Variants in HHIPL2 observed in about 807,000 individuals in gnomAD.
HHIPL2 encodes HHIP-like protein 2.
A neutral mutation model predicts 61.0 loss-of-function variants in HHIPL2; 61 were observed. That is an observed-to-expected ratio of 1.00 (90% CI 0.81 to 1.24). The LOEUF (loss-of-function observed/expected upper bound fraction) is 1.24. HHIPL2 is among the 50% of genes most tolerant of loss of function. HHIPL2 has a pLI of 0.00. For synonymous variants in HHIPL2, 343 were observed against 357.4 expected, an observed-to-expected ratio of 0.96 and a Z score of 0.45; for missense variants, 885 against 910.2, an observed-to-expected ratio of 0.97 and a Z score of 0.36.
intron 1 of HHIPL2, 91 bp from the exon 2 acceptor site, chr1:222,544,280 G>T: frequency 7.2e-7 from 1 of 1,382,488 alleles, no homozygotes; most frequent in Non-Finnish European, 9.8e-7. Flanking sequence ...AAAAAATGGT[G>T]CTAGGCGGAA....
In HHIPL2 at chr1:222,540,274, G is replaced by A. The variant is rs779442680; in HGVS notation, c.1186C>T (p.Arg396Ter). The A allele has an allele frequency of 2.2e-5, 36 of 1,614,110 alleles. No homozygotes were observed. Among genetic ancestry groups the A allele is most frequent in the Middle Eastern group, 1.6e-4 (1 of 6,084 alleles). The stretch of plus-strand genomic sequence containing the variant: ...ACAAATGGATTGTCCGAGGGGACTC[G>A]GTACCGCTTGCCATGTGAGCCTGCC... ...NRAGSHGKRY[R>*]VPSDNPFVSE... is the part of the protein sequence containing the mutation. The change falls in exon 4 of 9, where the codon CGA becomes TGA. Residue 396 changes from arginine to a stop codon, truncating the protein, a stop_gained. Coordinates refer to ENST00000343410, the MANE Select transcript of HHIPL2 (RefSeq NM_024746.4). LOFTEE classifies it high-confidence loss of function.
intron 5 of HHIPL2, among the ~76,000 whole-genome samples, chr1:222,534,577 TA>T (rs67437927): frequency 5.4e-4 from 39 of 72,658 alleles, no homozygotes; most frequent in East Asian, 1.9e-3. Context: ...ACTCCATCTC[TA>T]AAAAAAAAAA....
chr1:222,544,077 T>G lies in HHIPL2; in HGVS notation c.434A>C (p.His145Pro). ...DYCSAFHSNCHSAISLLTNDR... is the reference protein window; with the variant it reads ...DYCSAFHSNCPSAISLLTNDR... ...ATTGGTCAGCAGGGAAATGGCTGAG[T>G]GACAGTTAGAATGGAAGGCAGAGCA... Residue 145 changes from histidine (H) to proline (P), a missense_variant, in exon 2 of 9, where the codon CAC becomes CCC. His to Pro is a moderately conservative substitution (Grantham distance 77). Transcript: ENST00000343410. 1.2e-6 allele frequency: 2 copies of G among 1,613,928 alleles called. No homozygotes were observed. The highest frequency in any genetic ancestry group is 1.7e-6 in the Non-Finnish European group (2 of 1,179,982).
At chr1:222,533,148 T>G (rs2102614529) in intron 5 of HHIPL2, among the ~76,000 whole-genome samples, 1 of 152,278 alleles carries the variant, frequency 6.6e-6, no homozygotes, top group African/African-American at 2.4e-5. Flanking sequence ...GTGGATCACC[T>G]GAGGCCAGGG....
At chr1:222,536,210 GTTCTTATAGAAGATCAATAAAATGGA>G (rs1659299429) in intron 5 of HHIPL2, among the ~76,000 whole-genome samples, 2 of 151,710 alleles carry the variant, frequency 1.3e-5, no homozygotes, top group South Asian at 4.2e-4. Context: ...ACAAAAGCTG[GTTCTTATAGAAGATCAATAAAATGGA>G]TAAACCTCTA....
chr1:222,545,168 A>G (rs1659528332), intron 1 of HHIPL2, among the ~76,000 whole-genome samples: 1 of 152,190 alleles, frequency 6.6e-6, no homozygotes, highest in East Asian at 1.9e-4. Context: ...GCCCAATTCA[A>G]AGGGTGTCGT....
Position 222,523,681 on chromosome 1 carries a change from C to T in HHIPL2, c.1819G>A (p.Gly607Ser). 5 of 1,614,164 alleles carry T rather than the reference C, an allele frequency of 3.1e-6. No individual in the cohort carries two copies. Among genetic ancestry groups the T allele is most frequent in the East Asian group, 2.2e-5 (1 of 44,882 alleles). Residue 607 changes from glycine to serine, a missense_variant, in exon 8 of 9, where the codon GGC (glycine) becomes AGC (serine). Coordinates refer to ENST00000343410, the MANE Select transcript of HHIPL2 (RefSeq NM_024746.4). ...FVDPSRRAPP[G>S]KCKYKPVPVR... ...GGCACTGGCTTGTATTTGCACTTGCCTGGGGGTGCTCGCCTAAAAACACAA... is the reference window on the plus strand; with the variant it reads ...GGCACTGGCTTGTATTTGCACTTGCTTGGGGGTGCTCGCCTAAAAACACAA...
Position 222,522,886 on chromosome 1 carries a change from C to T in HHIPL2, c.1890G>A (p.Lys630=). The change falls in exon 9 of 9, where the codon AAG becomes AAA. Residue 630 remains lysine, a splice_region_variant and synonymous_variant. Transcript: ENST00000343410. The part of the protein sequence containing the change: ...SKRIPFRPLA[K]TVLDLLKEQS... ...GTTCCTTTAGCAAGTCCAAGACTGTCTCTGAGAAATCAGTATTTATTTAGT... is the reference window on the plus strand; with the variant it reads ...GTTCCTTTAGCAAGTCCAAGACTGTTTCTGAGAAATCAGTATTTATTTAGT... 1 of 1,611,368 alleles carries T rather than the reference C, an allele frequency of 6.2e-7. No individual in the cohort carries two copies. Among genetic ancestry groups the T allele is most frequent in the Non-Finnish European group, 8.5e-7 (1 of 1,178,678 alleles).
At chr1:222,528,285 G>A (rs940585706) in intron 6 of HHIPL2, among the ~76,000 whole-genome samples, 3 of 152,190 alleles carry the variant, frequency 2.0e-5, no homozygotes, top group African/African-American at 7.2e-5. Flanking sequence ...AATGCCTCAA[G>A]TGATTGTTAG....
Position 222,540,205 on chromosome 1 carries a change from T to C in HHIPL2, c.1255A>G (p.Arg419Gly). ...AHPAIYAYGI[R>G]NMWRCAVDRG... ...TCCACAGCACAACGCCACATGTTCC[T>C]GATCCCATAGGCATAGATGGCGGGG... Residue 419 changes from arginine to glycine, a missense_variant, in exon 4 of 9, where the codon AGG (arginine) becomes GGG (glycine). By Grantham distance (125) the Arg-to-Gly change is moderately radical. Transcript: ENST00000343410. The C allele has an allele frequency of 6.2e-7, 1 of 1,614,284 alleles. No individual in the cohort carries two copies. The highest frequency in any genetic ancestry group is 8.5e-7 in the Non-Finnish European group (1 of 1,180,056).
rs1201298110 is a variant in HHIPL2 at position 222,522,576 on chromosome 1, CCT to C, written c.*23_*24del. On this transcript the variant is annotated 3_prime_UTR_variant, in exon 9 of 9. Transcript: ENST00000343410. ...AGGTGGCTCTCCTCTCTCACGTCACCCTGTCGGCCACCTTGACCAATAGGTCA... is the reference window on the plus strand; with the variant it reads ...AGGTGGCTCTCCTCTCTCACGTCACCGTCGGCCACCTTGACCAATAGGTCA... 7.5e-6 allele frequency: 12 copies of C among 1,603,710 alleles called. No individual in the cohort carries two copies. Among genetic ancestry groups the C allele is most frequent in the Non-Finnish European group, 9.3e-6 (11 of 1,177,176 alleles).
At position 222,522,749 on chromosome 1, in the gene HHIPL2, T is replaced by C. The variant is rs1205696747; in HGVS notation, c.2027A>G (p.Lys676Arg). The C allele has an allele frequency of 6.2e-7, 1 of 1,614,054 alleles. No homozygotes were observed. The highest frequency in any genetic ancestry group is 1.3e-5 in the African/African-American group (1 of 74,912). ...TGTACCAGGCCCTCGCAATGTATTC[T>C]TGCTGCTTGTAGGAGAAGCCAGCTT... ...SKKLASPTSS[K>R]NTLRGPGTKK... The change falls in exon 9 of 9, where the codon AAG (lysine) becomes AGG (arginine). Residue 676 changes from lysine (K) to arginine (R), a missense_variant. Transcript: ENST00000343410.
chr1:222,531,486 G>A (rs963029532), intron 6 of HHIPL2, among the ~76,000 whole-genome samples: 9 of 152,174 alleles, frequency 5.9e-5, no homozygotes, highest in South Asian at 2.1e-4. Context: ...GGTGGCTCAC[G>A]CCTGTAATCT....
intron 6 of HHIPL2, among the ~76,000 whole-genome samples, chr1:222,531,544 T>C (rs1471359413): frequency 1.3e-5 from 2 of 152,090 alleles, no homozygotes; most frequent in Non-Finnish European, 2.9e-5. Flanking sequence ...GGTCAGGAAT[T>C]TGAGACCAGC....
intron 1 of HHIPL2, among the ~76,000 whole-genome samples, chr1:222,546,898 G>A (rs1659567212): frequency 6.6e-6 from 1 of 152,200 alleles, no homozygotes; most frequent in Non-Finnish European, 1.5e-5. Flanking sequence ...ACAAGCCCAG[G>A]GGGTCTCAGT....
At chr1:222,531,621 G>A (rs555632826) in intron 6 of HHIPL2, among the ~76,000 whole-genome samples, 4 of 152,194 alleles carry the variant, frequency 2.6e-5, no homozygotes, top group East Asian at 1.9e-4. Context: ...GGTGGCGGGC[G>A]CCTGTAGTCC....
chr1:222,544,907 T>A (rs562736746), intron 1 of HHIPL2, among the ~76,000 whole-genome samples: 1 of 152,346 alleles, frequency 6.6e-6, no homozygotes, highest in Non-Finnish European at 1.5e-5. Context: ...AATTATTGAT[T>A]TTAAAAATTT....
chr1:222,540,912 TG>T (rs1659418110), intron 3 of HHIPL2, among the ~76,000 whole-genome samples: 1 of 152,220 alleles, frequency 6.6e-6, no homozygotes, highest in Non-Finnish European at 1.5e-5. Context: ...TGGGATCTAA[TG>T]AACACATGAT....
At chr1:222,526,811 T>C (rs981261024) in intron 7 of HHIPL2, among the ~76,000 whole-genome samples, 158 bp downstream of exon 7, 2 of 152,076 alleles carry the variant, frequency 1.3e-5, no homozygotes, top group Admixed American at 6.6e-5. Context: ...TATTCCATAA[T>C]TGCTATAGAT....
Sources: allele counts gnomAD v4.1 joint callset (sites outside exome capture counted in the v4.1 genomes callset), GRCh38; gene constraint gnomAD v4.1.1; transcripts MANE v1.5; gene names NCBI Gene and HGNC (gene_info 2026-07-23, HGNC 2026-07-21).